OTOA: variants seen among roughly 807,000 people sequenced by gnomAD.
OTOA encodes the protein cancer/testis antigen 108.
A neutral mutation model predicts 110.8 loss-of-function variants in OTOA; 70 were observed. That is an observed-to-expected ratio of 0.63 (90% confidence interval 0.52 to 0.77). The LOEUF (loss-of-function observed/expected upper bound fraction) is 0.77. Ranked by LOEUF, OTOA falls within the 30% of genes least tolerant of loss-of-function variation. OTOA has a pLI of 0.00. For synonymous variants in OTOA, 373 were observed against 431.5 expected, an observed-to-expected ratio of 0.86 and a Z score of 1.68; for missense variants, 917 against 1,075.8, an observed-to-expected ratio of 0.85 and a Z score of 2.06.
chr16:21,669,421 T>C (rs1031398087), intron 1 of OTOA, among the ~76,000 whole-genome samples: 3 of 152,080 alleles, frequency 2.0e-5, no homozygotes, highest in Admixed American at 6.6e-5. Flanking sequence ...TCTGTTTAGA[T>C]AGCTGCTTCT....
intron 17 of OTOA, among the ~76,000 whole-genome samples, chr16:21,720,563 A>T (rs1180028494): frequency 6.6e-6 from 1 of 152,206 alleles, no homozygotes; most frequent in Non-Finnish European, 1.5e-5. Context: ...TTGAGCTTGC[A>T]TCAGCATTGT....
chr16:21,730,827 C>A lies in OTOA; in HGVS notation c.2208-10C>A. 8 of 1,488,966 alleles carry A rather than the reference C, an allele frequency of 5.4e-6. 1 individual carries two copies. Among genetic ancestry groups the A allele is most frequent in the Non-Finnish European group, 7.5e-6 (8 of 1,073,092 alleles). 92.2% of individuals were successfully genotyped at this position (1,488,966 alleles called of 1,614,324 possible). On this transcript the variant is annotated splice_polypyrimidine_tract_variant and intron_variant, in intron 20 of 28. Transcript: ENST00000646100. ...GTTTTTTCACTTTACTGGTTATTATCTCTTTTTAGACTCCCTCAGCACTGG... is the reference window on the plus strand; with the variant it reads ...GTTTTTTCACTTTACTGGTTATTATATCTTTTTAGACTCCCTCAGCACTGG...
At chr16:21,708,532 CA>C (rs1898261227) in intron 12 of OTOA, among the ~76,000 whole-genome samples, 2 of 152,180 alleles carry the variant, frequency 1.3e-5, no homozygotes, top group African/African-American at 2.4e-5. Flanking sequence ...GCGTTTCTAA[CA>C]AGTTCCCAGG....
At chr16:21,667,921 C>T (rs1375000802) in intron 1 of OTOA, among the ~76,000 whole-genome samples, 1 of 152,108 alleles carries the variant, frequency 6.6e-6, no homozygotes, top group Non-Finnish European at 1.5e-5. Context: ...AGCTCATGAG[C>T]CACGCAAAAT....
chr16:21,730,569 A>G (rs567359875), intron 20 of OTOA: 10 of 405,618 alleles, frequency 2.5e-5, no homozygotes, highest in Non-Finnish European at 4.8e-5. Flanking sequence ...TCCACTTGGT[A>G]ATATGAATGT....
chr16:21,757,930 A>G (rs1459783369), intron 28 of OTOA, among the ~76,000 whole-genome samples: 3 of 152,062 alleles, frequency 2.0e-5, no homozygotes, highest in Non-Finnish European at 2.9e-5. Context: ...TCCAATATTA[A>G]TTAATTCAAC....
Position 21,721,276 on chromosome 16 carries a change from CACAA to C in OTOA, c.1807-1624_1807-1621del, listed in dbSNP as rs756704489. ...ACACACACACACACACACACACACACACAAACAACCAATACAGAGAAAGTAAAAT... is the reference window on the plus strand; with the variant it reads ...ACACACACACACACACACACACACACACAACCAATACAGAGAAAGTAAAAT... On this transcript the variant is annotated intron_variant, in intron 17 of 28. Transcript: ENST00000646100. 264 of 440,124 alleles carry C rather than the reference CACAA, an allele frequency of 6.0e-4. 2 individuals are homozygous for C. In the East Asian group the frequency reaches 0.01, roughly 17 times the overall value. The allele number at this position is 440,124 out of a possible 1,614,324, so 27.3% of individuals were successfully genotyped here. A position where few individuals can be genotyped will look rare whatever the true frequency, so the allele number is the denominator to read the frequency against.
At chr16:21,674,130 A>G (rs555814065) in intron 1 of OTOA, among the ~76,000 whole-genome samples, 1 of 151,436 alleles carries the variant, frequency 6.6e-6, no homozygotes, top group South Asian at 2.1e-4. Context: ...ATAAATTTTC[A>G]TTTTTCTGGG....
At chr16:21,755,616 A>G (rs1300492248) in intron 27 of OTOA, among the ~76,000 whole-genome samples, 4 of 136,014 alleles carry the variant, frequency 2.9e-5, no homozygotes, top group Admixed American at 2.3e-4. Context: ...GGCTCAAGCA[A>G]TCCTCTCACG....
At position 21,700,869 on chromosome 16, in the gene OTOA, G is replaced by A. The variant is rs747768573; in HGVS notation, c.841-19G>A. 1.5e-5 allele frequency: 24 copies of A among 1,613,598 alleles called. 1 individual carries two copies. The highest frequency in any genetic ancestry group is 1.1e-4 in the East Asian group (5 of 44,890). ...TTCCACCCTCCTCACTGATATTCTC[G>A]TCCTTGTCCACCAACTAGATTGGGC... On this transcript the variant is annotated intron_variant, in intron 10 of 28. Transcript: ENST00000646100.
Position 21,681,833 on chromosome 16 carries a change from C to T in OTOA, c.267+8C>T, listed in dbSNP as rs1008686772. On this transcript the variant is annotated splice_region_variant and intron_variant, in intron 6 of 28. Coordinates refer to ENST00000646100, the MANE Select transcript of OTOA (RefSeq NM_144672.4). The stretch of plus-strand genomic sequence containing the variant: ...ACCATCCCCAGCCTGCAGGTGTGTA[C>T]CTGAGACCCATCTATATGTTCCCAT... The T allele has an allele frequency of 3.1e-6, 5 of 1,609,472 alleles. No homozygotes were observed. The highest frequency in any genetic ancestry group is 2.2e-5 in the South Asian group (2 of 90,972).
Position 21,738,375 on chromosome 16 carries a change from G to A in OTOA, c.2431+1985G>A, listed in dbSNP as rs1367558285. Among the ~76,000 whole-genome samples the A allele has an allele frequency of 3.8e-3, 437 of 114,864 alleles. No homozygotes were observed. The East Asian group carries it at 0.075, about 20-fold the overall frequency. The allele number at this position is 114,864 out of a possible 152,430, so 75.4% of individuals were successfully genotyped here. A position where few individuals can be genotyped will look rare whatever the true frequency, so the allele number is the denominator to read the frequency against. On this transcript the variant is annotated intron_variant, in intron 22 of 28. Coordinates refer to ENST00000646100, the MANE Select transcript of OTOA (RefSeq NM_144672.4). Reference sequence around the variant, plus strand: ...CTGGGTGGAGGCATCGTGTGACATCGAGCAAAGAAGTATCACAATTGGATT... The same window carrying A: ...CTGGGTGGAGGCATCGTGTGACATCAAGCAAAGAAGTATCACAATTGGATT...
At position 21,684,761 on chromosome 16, in the gene OTOA, TA is replaced by T. The variant is rs1567366243; in HGVS notation, c.268-468del. ...TTATTATTATTATTATTATTATTAT[TA>T]TTATTTTTTAGGTGGAGTCTCGCTC... On this transcript the variant is annotated intron_variant, in intron 6 of 28. Transcript: ENST00000646100. Among the ~76,000 whole-genome samples, 261 of 52,642 alleles carry T rather than the reference TA, an allele frequency of 5.0e-3. 2 individuals are homozygous for T. The highest frequency in any genetic ancestry group is 0.011 in the African/African-American group (231 of 21,884). 34.5% of individuals were successfully genotyped at this position (52,642 alleles called of 152,430 possible).
At chr16:21,723,059 A>G in intron 18 of OTOA, 81 bp downstream of exon 18, 2 of 1,471,228 alleles carry the variant, frequency 1.4e-6, no homozygotes, top group African/African-American at 1.4e-5. Context: ...TTCTCTCCCC[A>G]CTGGGTTTTC....
At chr16:21,702,232 G>A (rs1237879882) in intron 11 of OTOA, among the ~76,000 whole-genome samples, 1 of 152,184 alleles carries the variant, frequency 6.6e-6, no homozygotes, top group Non-Finnish European at 1.5e-5. Flanking sequence ...TTACAGGCGT[G>A]AGCCACTGTG....
At chr16:21,705,429 C>A in intron 12 of OTOA, 137 bp downstream of exon 12, 1 of 1,317,046 alleles carries the variant, frequency 7.6e-7, no homozygotes, top group Non-Finnish European at 1.1e-6. Context: ...CAGCAGATGG[C>A]ATCTCAAATA....
chr16:21,684,575 C>A, intron 6 of OTOA: 1 of 1,534,024 alleles, frequency 6.5e-7, no homozygotes. Context: ...ATGGGGGAAT[C>A]GGGCTGGCTG....
In OTOA at chr16:21,685,322, T is replaced by C; in HGVS notation, c.360T>C (p.Thr120=). 1 of 1,612,956 alleles carries C rather than the reference T, an allele frequency of 6.2e-7. No homozygotes were observed. The highest frequency in any genetic ancestry group is 1.1e-5 in the South Asian group (1 of 91,068). ...LRKTDAQQFR[T]AMKCLLEDKK... ...AGACAGACGCCCAGCAGTTCCGCAC[T>C]GCCATGAAATGCCTCTTAGAAGACA... The change falls in exon 7 of 29, where the codon ACT becomes ACC. Residue 120 remains threonine (T), a synonymous_variant. Transcript: ENST00000646100.
Position 21,677,639 on chromosome 16 carries a change from G to C in OTOA, c.-4-872G>C, listed in dbSNP as rs1405675383. ...TGGGACTACAGGCGCCCGCCACCACGCCCGTCTAATTTTTTTGTATTTTTA... is the reference window on the plus strand; with the variant it reads ...TGGGACTACAGGCGCCCGCCACCACCCCCGTCTAATTTTTTTGTATTTTTA... On this transcript the variant is annotated intron_variant, in intron 1 of 28. Coordinates refer to ENST00000646100, the MANE Select transcript of OTOA (RefSeq NM_144672.4). 4.0e-5 allele frequency among the ~76,000 whole-genome samples: 6 copies of C among 151,108 alleles called. No individual in the cohort carries two copies. In the East Asian group the frequency reaches 1.2e-3, roughly 30 times the overall value.
Sources: gnomAD v4.1 joint callset for allele counts (sites outside exome capture counted in the v4.1 genomes callset) on GRCh38, gnomAD v4.1.1 for gene constraint, MANE v1.5 for transcripts, NCBI Gene and HGNC (gene_info 2026-07-23, HGNC 2026-07-21) for gene names.